GRXCR2: variants seen among roughly 807,000 people sequenced by gnomAD.
The protein encoded by GRXCR2 is glutaredoxin domain-containing cysteine-rich protein 2.
GRXCR2 carries 23 observed loss-of-function variants against 24.8 expected under a neutral mutation model. The observed-to-expected ratio is 0.93, with a 90% CI of 0.67 to 1.32. The LOEUF (loss-of-function observed/expected upper bound fraction) is 1.32, where lower values mean the gene tolerates loss of function less well. GRXCR2 is among the 40% of genes most tolerant of loss of function. The pLI, the probability that GRXCR2 is intolerant of heterozygous loss-of-function variation, is 0.00. For missense variants in GRXCR2, 315 were observed against 303.4 expected, an observed-to-expected ratio of 1.04 and a Z score of -0.28; for synonymous variants, 130 against 116.1, an observed-to-expected ratio of 1.12 and a Z score of -0.77.
intron 2 of GRXCR2, among the ~76,000 whole-genome samples, chr5:145,898,339 C>T (rs1281374385): frequency 6.6e-6 from 1 of 150,766 alleles, no homozygotes; most frequent in Admixed American, 6.6e-5. Flanking sequence ...GATGGATTCA[C>T]AGCCAAATCT....
intron 1 of GRXCR2, among the ~76,000 whole-genome samples, chr5:145,868,928 A>G (rs1220969547): frequency 2.0e-5 from 3 of 152,230 alleles, no homozygotes; most frequent in Non-Finnish European, 4.4e-5. Flanking sequence ...TCAAATGTCA[A>G]TGGGGAACAC....
chr5:145,896,014 A>G (rs995393212), intron 2 of GRXCR2, among the ~76,000 whole-genome samples: 1 of 152,200 alleles, frequency 6.6e-6, no homozygotes, highest in Non-Finnish European at 1.5e-5. Flanking sequence ...CAAACCTGAC[A>G]AAAACAAGAA....
rs917371834 is a variant in GRXCR2, at chr5:145,859,537, C to T, written c.*196G>A. 2.5e-5 allele frequency: 15 copies of T among 602,682 alleles called. No individual in the cohort carries two copies. In the South Asian group the frequency reaches 2.8e-4, roughly 11 times the overall value. The allele number at this position is 602,682 out of a possible 1,614,324, so 37.3% of individuals were successfully genotyped here. On this transcript the variant is annotated 3_prime_UTR_variant, in exon 3 of 3. Coordinates refer to ENST00000377976, the MANE Select transcript of GRXCR2 (RefSeq NM_001080516.2). Reference sequence around the variant, plus strand: ...AAGCAGACTATAATTCAGAAATGCCCCTGCCACTTAGACCCACAGAGAGAT... The same window carrying T: ...AAGCAGACTATAATTCAGAAATGCCTCTGCCACTTAGACCCACAGAGAGAT...
At chr5:145,891,430 C>T (rs1756863351) in intron 2 of GRXCR2, among the ~76,000 whole-genome samples, 1 of 152,186 alleles carries the variant, frequency 6.6e-6, no homozygotes, top group African/African-American at 2.4e-5. Context: ...GGGTCACTCC[C>T]ACCCTAATAC....
upstream of GRXCR2, among the ~76,000 whole-genome samples, chr5:145,877,414 A>G (rs1445705664): frequency 6.6e-6 from 1 of 151,478 alleles, no homozygotes; most frequent in East Asian, 1.9e-4. Flanking sequence ...CAGTGGTGCA[A>G]TCTTGGCTCA....
rs114508046 is a variant in GRXCR2 at position 145,884,681 on chromosome 5, A to G, written c.-69-17953T>C. ...GGCTGCTTATTTGACTATTCCTCCA[A>G]TTTTTGTATGTTTGAAATGTTTATA... On this transcript the variant is annotated intron_variant, in intron 2 of 3. Coordinates refer to the GRXCR2 transcript ENST00000639411. Among the ~76,000 whole-genome samples the G allele has an allele frequency of 3.7e-3, 570 of 152,250 alleles. 3 individuals are homozygous for G. The highest frequency in any genetic ancestry group is 0.013 in the African/African-American group (541 of 41,546).
At chr5:145,865,118 T>C (rs1386506101) in intron 2 of GRXCR2, among the ~76,000 whole-genome samples, 1 of 152,156 alleles carries the variant, frequency 6.6e-6, no homozygotes, top group East Asian at 1.9e-4. Context: ...CTTGTTCTCA[T>C]CATCTGAACC....
intron 2 of GRXCR2, among the ~76,000 whole-genome samples, chr5:145,916,841 T>C (rs1181764297): frequency 6.6e-6 from 1 of 152,198 alleles, no homozygotes; most frequent in African/African-American, 2.4e-5. Flanking sequence ...GGAACAAGCA[T>C]GAATGGTGGT....
chr5:145,862,468 C>T (rs1349972454), intron 2 of GRXCR2, among the ~76,000 whole-genome samples: 2 of 152,132 alleles, frequency 1.3e-5, no homozygotes, highest in Non-Finnish European at 2.9e-5. Context: ...TAATAAGCAC[C>T]ACTCTATACA....
At chr5:145,872,536 G>C (rs1756548829) in intron 1 of GRXCR2, 97 bp downstream of exon 1, 2 of 1,000,446 alleles carry the variant, frequency 2.0e-6, no homozygotes, top group East Asian at 2.5e-5. Flanking sequence ...GGTACCGGAG[G>C]GGGAGCAAGA....
intron 2 of GRXCR2, among the ~76,000 whole-genome samples, chr5:145,927,795 C>A (rs1178831340): frequency 1.3e-5 from 2 of 152,034 alleles, no homozygotes; most frequent in Non-Finnish European, 2.9e-5. Flanking sequence ...AAACCATAAA[C>A]ACCCTAGAAG....
chr5:145,863,751 G>T (rs1328157540), intron 2 of GRXCR2, among the ~76,000 whole-genome samples: 4 of 152,028 alleles, frequency 2.6e-5, no homozygotes, highest in South Asian at 4.2e-4. Flanking sequence ...TCCCTCCTCT[G>T]CCTGGGATTA....
At chr5:145,879,607 A>AT (rs772311298) in intron 2 of GRXCR2, among the ~76,000 whole-genome samples, 2 of 152,178 alleles carry the variant, frequency 1.3e-5, no homozygotes, top group Non-Finnish European at 2.9e-5. Flanking sequence ...ATAATGGGAG[A>AT]TTTTAACACC....
At chr5:145,903,375 T>C (rs1164341928) in intron 2 of GRXCR2, among the ~76,000 whole-genome samples, 1 of 152,150 alleles carries the variant, frequency 6.6e-6, no homozygotes, top group Non-Finnish European at 1.5e-5. Flanking sequence ...TTCTCTTCAC[T>C]CTCTGGGGCC....
At chr5:145,912,973 T>C (rs73308195) in intron 2 of GRXCR2, among the ~76,000 whole-genome samples, 1 of 152,226 alleles carries the variant, frequency 6.6e-6, no homozygotes, top group Non-Finnish European at 1.5e-5. Flanking sequence ...TTTTAAACAG[T>C]AACCCTGGTC....
Position 145,917,152 on chromosome 5 carries a change from C to G in GRXCR2, c.-70+18549G>C, listed in dbSNP as rs191929565. Among the ~76,000 whole-genome samples, 66 of 147,744 alleles carry G rather than the reference C, an allele frequency of 4.5e-4. No homozygotes were observed. In the Middle Eastern group the frequency reaches 0.011, roughly 24 times the overall value. ...TTTAAGATACAAAACAGCATTATGT[C>G]AAGATGGACACGTTCTCCACAGTAT... On this transcript the variant is annotated intron_variant, in intron 2 of 3. Transcript: ENST00000639411.
intron 2 of GRXCR2, among the ~76,000 whole-genome samples, chr5:145,891,874 G>A (rs995857339): frequency 2.0e-5 from 3 of 152,182 alleles, no homozygotes; most frequent in African/African-American, 7.2e-5. Flanking sequence ...CTAACTGGGA[G>A]ACATCCCCCA....
At chr5:145,875,551 AAAAT>A (rs1256094533), upstream of GRXCR2, among the ~76,000 whole-genome samples, 2 of 152,216 alleles carry the variant, frequency 1.3e-5, no homozygotes, top group Non-Finnish European at 2.9e-5. Flanking sequence ...CCATCAAAAA[AAAAT>A]AAATAAAGAA....
At chr5:145,896,912 A>C (rs1756958297) in intron 2 of GRXCR2, among the ~76,000 whole-genome samples, 1 of 152,132 alleles carries the variant, frequency 6.6e-6, no homozygotes, top group Non-Finnish European at 1.5e-5. Context: ...AGACTGGATT[A>C]AGAAAATGTG....
Sources: allele counts gnomAD v4.1 joint callset (sites outside exome capture counted in the v4.1 genomes callset), GRCh38; gene constraint gnomAD v4.1.1; transcripts MANE v1.5; gene names NCBI Gene and HGNC (gene_info 2026-07-23, HGNC 2026-07-21).